Variants in RGS7 observed in about 807,000 individuals in gnomAD.
RGS7 encodes regulator of G protein signaling 7.
Under a neutral mutation model 81.1 loss-of-function variants are expected in RGS7, and 27 were observed. That is an observed-to-expected ratio of 0.33 (90% CI 0.25 to 0.46). The LOEUF (loss-of-function observed/expected upper bound fraction) is 0.46. Among genes scored for constraint, RGS7 ranks in the 20% least tolerant of loss-of-function variants. The pLI, the probability that RGS7 is intolerant of heterozygous loss-of-function variation, is 1.00. For synonymous variants in RGS7, 208 were observed against 207.7 expected (o/e 1.00, Z -0.01); for missense variants, 396 against 607.4 (o/e 0.65, Z 3.66).
intron 9 of RGS7, among the ~76,000 whole-genome samples, chr1:240,828,648 A>G (rs1464800665): frequency 6.6e-6 from 1 of 152,168 alleles, no homozygotes; most frequent in Non-Finnish European, 1.5e-5. Flanking sequence ...TTAGCAGGAC[A>G]TGGTGGCAGG....
intron 3 of RGS7, among the ~76,000 whole-genome samples, chr1:241,000,821 T>G (rs1404533902): frequency 6.8e-6 from 1 of 147,266 alleles, no homozygotes; most frequent in African/African-American, 2.5e-5. Flanking sequence ...CTAATTTTTT[T>G]TTTTTTTTTT....
Position 240,930,694 on chromosome 1 carries a change from AAAT to A in RGS7, c.385+20_385+22del, listed in dbSNP as rs1339329921. 1.2e-6 allele frequency: 2 copies of A among 1,610,534 alleles called. No homozygotes were observed. Among genetic ancestry groups the A allele is most frequent in the Non-Finnish European group, 1.7e-6 (2 of 1,176,920 alleles). ...CTACACATACAGGCTGTCAATAATA[AAAT>A]AATGAGAGATGGCACTGACCATAAT... On this transcript the variant is annotated intron_variant, in intron 6 of 18. Transcript: ENST00000440928.
intron 6 of RGS7, among the ~76,000 whole-genome samples, chr1:240,907,170 A>T (rs899174839): frequency 2.0e-5 from 3 of 152,128 alleles, no homozygotes; most frequent in African/African-American, 7.2e-5. Context: ...AAGGTTTAAC[A>T]CTGACCTTGA....
At chr1:241,356,782 G>A (rs2083606171) in intron 1 of RGS7, 117 bp downstream of exon 1, 1 of 149,508 alleles carries the variant, frequency 6.7e-6, no homozygotes, top group Admixed American at 6.7e-5. Flanking sequence ...GCTCCCGGGG[G>A]CGGCCGCCCT....
chr1:241,342,742 T>C lies in RGS7; in HGVS notation c.78+12957A>G, dbSNP rs143862303. 4.1e-3 allele frequency among the ~76,000 whole-genome samples: 624 copies of C among 152,270 alleles called. 2 individuals are homozygous for C. The highest frequency in any genetic ancestry group is 0.014 in the African/African-American group (599 of 41,534). On this transcript the variant is annotated intron_variant, in intron 2 of 18. Transcript: ENST00000440928. ...AAGCTGATAGATTGTCCGAAGAATA[T>C]ATATAAATGCCAGTGAGCACTTGAA...
At chr1:240,937,762 G>T (rs1052717198) in intron 4 of RGS7, among the ~76,000 whole-genome samples, 2 of 152,144 alleles carry the variant, frequency 1.3e-5, no homozygotes, top group African/African-American at 4.8e-5. Flanking sequence ...GATGCTATGA[G>T]GGAATGTTAA....
At chr1:241,201,123 C>T (rs1333245688) in intron 2 of RGS7, among the ~76,000 whole-genome samples, 3 of 152,186 alleles carry the variant, frequency 2.0e-5, no homozygotes, top group Non-Finnish European at 4.4e-5. Context: ...CTCTGGTTCA[C>T]TTGCCAAATC....
At chr1:241,216,339 C>G (rs971792621) in intron 2 of RGS7, among the ~76,000 whole-genome samples, 1 of 151,732 alleles carries the variant, frequency 6.6e-6, no homozygotes, top group African/African-American at 2.4e-5. Context: ...AGAGGTAAAA[C>G]ATGGCGTTTC....
chr1:240,968,259 G>C (rs1682652854), intron 4 of RGS7, among the ~76,000 whole-genome samples: 1 of 152,194 alleles, frequency 6.6e-6, no homozygotes, highest in Admixed American at 6.5e-5. Context: ...TTGAAAACCA[G>C]ACACTCCCTC....
chr1:241,038,592 C>T (rs1452202515), intron 3 of RGS7, among the ~76,000 whole-genome samples: 1 of 152,166 alleles, frequency 6.6e-6, no homozygotes, highest in Non-Finnish European at 1.5e-5. Context: ...GACAATTATG[C>T]TGTCAGAAAA....
rs78041035 is a variant in RGS7, at chr1:240,880,824, A to C, written c.386-10705T>G. On this transcript the variant is annotated intron_variant, in intron 6 of 18. Transcript: ENST00000440928. Reference sequence around the variant, plus strand: ...TTTTATTGATTCCAGAAAAATGTTAATTTTTCAAATGAGTAGTGTGTGGTA... The same window carrying C: ...TTTTATTGATTCCAGAAAAATGTTACTTTTTCAAATGAGTAGTGTGTGGTA... Among the ~76,000 whole-genome samples the C allele has an allele frequency of 4.3e-4, 66 of 152,174 alleles. No individual in the cohort carries two copies. The East Asian group carries it at 0.011, about 26-fold the overall frequency.
intron 3 of RGS7, among the ~76,000 whole-genome samples, chr1:241,018,807 T>C (rs1198671672): frequency 6.6e-6 from 1 of 152,168 alleles, no homozygotes; most frequent in Admixed American, 6.6e-5. Flanking sequence ...TTCAGTGTTC[T>C]CAATCCATTT....
At chr1:240,817,680 G>A (rs968180740) in intron 10 of RGS7, among the ~76,000 whole-genome samples, 3 of 151,966 alleles carry the variant, frequency 2.0e-5, no homozygotes, top group East Asian at 1.9e-4. Flanking sequence ...TTGGCTCACC[G>A]CAACCTCCGT....
chr1:241,000,830 T>C (rs922927546), intron 3 of RGS7, among the ~76,000 whole-genome samples: 2 of 150,746 alleles, frequency 1.3e-5, no homozygotes, highest in African/African-American at 4.9e-5. Context: ...TTTTTTTTTT[T>C]TTTTTTAGTA....
chr1:241,057,070 G>A (rs2061509751), intron 3 of RGS7, among the ~76,000 whole-genome samples: 1 of 151,308 alleles, frequency 6.6e-6, no homozygotes, highest in Non-Finnish European at 1.5e-5. Context: ...TTTTTTCTGG[G>A]GTTACTGATT....
intron 6 of RGS7, among the ~76,000 whole-genome samples, chr1:240,915,530 G>C (rs1672464296): frequency 6.6e-6 from 1 of 152,134 alleles, no homozygotes; most frequent in African/African-American, 2.4e-5. Context: ...CAACAGCGGG[G>C]AATAAAAACA....
chr1:241,311,623 G>C (rs2080536759), intron 2 of RGS7, among the ~76,000 whole-genome samples: 1 of 152,126 alleles, frequency 6.6e-6, no homozygotes, highest in African/African-American at 2.4e-5. Context: ...TGAGAAATGG[G>C]CGTTTTATAT....
chr1:241,270,479 A>G (rs901914127), intron 2 of RGS7, among the ~76,000 whole-genome samples: 1 of 152,196 alleles, frequency 6.6e-6, no homozygotes, highest in African/African-American at 2.4e-5. Flanking sequence ...AAATCTACTT[A>G]CTTAAACTTC....
chr1:241,022,203 A>G, intron 3 of RGS7, among the ~76,000 whole-genome samples: 1 of 152,162 alleles, frequency 6.6e-6, no homozygotes, highest in South Asian at 2.1e-4. Flanking sequence ...AAAAATTATA[A>G]CTGATAAAAT....
Sources: allele counts gnomAD v4.1 joint callset (sites outside exome capture counted in the v4.1 genomes callset), GRCh38; gene constraint gnomAD v4.1.1; transcripts MANE v1.5; gene names NCBI Gene and HGNC (gene_info 2026-07-23, HGNC 2026-07-21).